The following PCNT variants were observed in gnomAD, a reference collection of about 807,000 sequenced individuals.
PCNT encodes the protein kendrin.
A neutral mutation model predicts 380.4 loss-of-function variants in PCNT; 319 were observed. The ratio of observed to expected loss-of-function variants is 0.84; its 90% CI spans 0.77 to 0.92. The LOEUF (loss-of-function observed/expected upper bound fraction) is 0.92. Among genes scored for constraint, PCNT ranks in the 40% least tolerant of loss-of-function variants. The pLI, the probability that PCNT is intolerant of heterozygous loss-of-function variation, is 0.00. For missense variants in PCNT, 4,400 were observed against 4,255.3 expected (o/e 1.03, Z -0.95); for synonymous variants, 1,845 against 1,735.2 (o/e 1.06, Z -1.57).
At chr21:46,401,749 G>C in intron 26 of PCNT, 28 bp downstream of exon 26, 1 of 1,612,694 alleles carries the variant, frequency 6.2e-7, no homozygotes, top group African/African-American at 1.3e-5. Context: ...CCATGGGACT[G>C]CCAGCCCTGG....
intron 6 of PCNT, chr21:46,348,100 C>T (rs889661562): frequency 6.6e-5 from 12 of 180,882 alleles, no homozygotes; most frequent in Middle Eastern, 2.6e-3. Context: ...GGTTGTGTTC[C>T]GGTCACCTGC....
rs377164652 is a variant in PCNT, at chr21:46,366,576, T to C, written c.2610-8T>C. On this transcript the variant is annotated splice_region_variant and splice_polypyrimidine_tract_variant and intron_variant, in intron 14 of 46. Coordinates refer to ENST00000359568, the MANE Select transcript of PCNT (RefSeq NM_006031.6). ...TTTAACTGTCCTGTGTTCACTTTGT[T>C]GCCGCAGGTTTTTAGAGGAACGTAA... 8.1e-4 allele frequency: 1,313 copies of C among 1,613,032 alleles called. 1 individual carries two copies. Among genetic ancestry groups the C allele is most frequent in the Non-Finnish European group, 9.7e-4 (1,144 of 1,179,096 alleles).
chr21:46,387,219 T>TG (rs1569236005), intron 17 of PCNT, among the ~76,000 whole-genome samples: 1 of 152,180 alleles, frequency 6.6e-6, no homozygotes, highest in Admixed American at 6.5e-5. Flanking sequence ...CATCCGTGTG[T>TG]GGGGGGTGTC....
intron 9 of PCNT, 46 bp downstream of exon 9, chr21:46,351,586 G>C: frequency 8.7e-7 from 1 of 1,146,704 alleles, no homozygotes; most frequent in Non-Finnish European, 1.3e-6. Flanking sequence ...AGCTGAAGCT[G>C]TGTGTTTTTC....
rs1298311877 is a variant in PCNT, at chr21:46,359,711, A to T, written c.2154+2520A>T. 1.4e-3 allele frequency among the ~76,000 whole-genome samples: 192 copies of T among 140,262 alleles called. 22 individuals are homozygous for T. Among genetic ancestry groups the T allele is most frequent in the Non-Finnish European group, 2.5e-3 (154 of 62,854 alleles). The allele number at this position is 140,262 out of a possible 152,430, so 92.0% of individuals were successfully genotyped here. On this transcript the variant is annotated intron_variant, in intron 13 of 46. Coordinates refer to ENST00000359568, the MANE Select transcript of PCNT (RefSeq NM_006031.6). ...ATTATGTTGGCCGGGCTGGTCTCGA[A>T]CTCCTGACCTCATGATCTGCCTGCC...
At chr21:46,436,280 C>T (rs59412748) in intron 39 of PCNT, 132 bp downstream of exon 39, 1 of 1,053,856 alleles carries the variant, frequency 9.5e-7, no homozygotes, top group Non-Finnish European at 1.4e-6. Context: ...AGTCCTCTTT[C>T]TGAGACTTTG....
intron 2 of PCNT, among the ~76,000 whole-genome samples, chr21:46,332,712 G>C (rs1322284466): frequency 1.3e-5 from 2 of 152,168 alleles, no homozygotes; most frequent in African/African-American, 4.8e-5. Flanking sequence ...CTCTCTCTCT[G>C]CATTCATCTT....
chr21:46,409,190 CTTTTT>C (rs11399485), intron 27 of PCNT, among the ~76,000 whole-genome samples: 2 of 123,998 alleles, frequency 1.6e-5, no homozygotes, highest in Non-Finnish European at 3.3e-5. Context: ...AAACTTTTTA[CTTTTT>C]TTTTTTTTTT....
At chr21:46,336,008 T>C (rs551596389) in intron 3 of PCNT, among the ~76,000 whole-genome samples, 1 of 150,284 alleles carries the variant, frequency 6.7e-6, no homozygotes, top group Non-Finnish European at 1.5e-5. Context: ...AGATGGAGTT[T>C]TGCTCTTGCC....
In PCNT at chr21:46,429,932, G is replaced by C. The variant is rs2147961324; in HGVS notation, c.7691-78G>C. On this transcript the variant is annotated intron_variant, in intron 35 of 46. Transcript: ENST00000359568. ...GCACATACACCTCACGCCCCCACGA[G>C]TCTGTCTCTAACCTGGTGTCACTTG... The C allele has an allele frequency of 1.4e-5, 16 of 1,175,730 alleles. No homozygotes were observed. In the South Asian group the frequency reaches 2.0e-4, roughly 15 times the overall value. 72.8% of individuals were successfully genotyped at this position (1,175,730 alleles called of 1,614,324 possible). A position where few individuals can be genotyped will look rare whatever the true frequency, so the allele number is the denominator to read the frequency against.
In PCNT at chr21:46,436,103, C is replaced by A; in HGVS notation, c.8951C>A (p.Ser2984Tyr). The A allele has an allele frequency of 6.2e-7, 1 of 1,611,100 alleles. No homozygotes were observed. The highest frequency in any genetic ancestry group is 8.5e-7 in the Non-Finnish European group (1 of 1,179,854). Residue 2984 changes from serine (S) to tyrosine (Y), a missense_variant, in exon 39 of 47, where the codon TCT becomes TAT. Transcript: ENST00000359568. ...ELEAMRQRLL[S>Y]AARLLTSFTS... ...GAGGCGATGAGGCAGCGGCTGCTCT[C>A]TGCCGCCCGGCTTCTCACCAGCTTC...
At chr21:46,371,740 A>G (rs970212561) in intron 15 of PCNT, among the ~76,000 whole-genome samples, 1 of 152,184 alleles carries the variant, frequency 6.6e-6, no homozygotes, top group Non-Finnish European at 1.5e-5. Flanking sequence ...TGCCCCATCC[A>G]GGCGCCACCA....
In PCNT at chr21:46,438,116, A is replaced by G. The variant is rs1328151735; in HGVS notation, c.9100-48A>G. On this transcript the variant is annotated intron_variant, in intron 40 of 46. Transcript: ENST00000359568. ...TTGACAAAAAACACAAGTAATGTTC[A>G]TGCCCTTTAACAACAAATTCTTACA... The G allele has an allele frequency of 2.8e-6, 4 of 1,444,146 alleles. No homozygotes were observed. The South Asian group carries it at 3.5e-5, about 13-fold the overall frequency. 89.5% of individuals were successfully genotyped at this position (1,444,146 alleles called of 1,614,324 possible).
At chr21:46,346,273 G>C (rs2084063777) in intron 4 of PCNT, 65 bp downstream of exon 4, 8 of 852,814 alleles carry the variant, frequency 9.4e-6, no homozygotes, top group Non-Finnish European at 1.6e-5. Context: ...GGCACAGTGG[G>C]CATCCGGGTG....
At chr21:46,381,553 GGCT>G in intron 15 of PCNT, 138 bp from the exon 16 acceptor site, 1 of 759,134 alleles carries the variant, frequency 1.3e-6, no homozygotes. Flanking sequence ...CTTTGATGGG[GGCT>G]GTGGTCTGGC....
chr21:46,370,071 C>T (rs1754129152), intron 15 of PCNT, among the ~76,000 whole-genome samples: 1 of 152,166 alleles, frequency 6.6e-6, no homozygotes, highest in Non-Finnish European at 1.5e-5. Context: ...GCTTCTCTGC[C>T]CTGAGTCTTC....
rs542203351 is a variant in PCNT at position 46,365,904 on chromosome 21, A to G, written c.2610-680A>G. ...CACTCACTGTCGTGGGGTTCTGTTC[A>G]CTGCCATGGGGTTCTATTCATTCAC... On this transcript the variant is annotated intron_variant, in intron 14 of 46. Coordinates refer to ENST00000359568, the MANE Select transcript of PCNT (RefSeq NM_006031.6). Among the ~76,000 whole-genome samples, 3 of 139,464 alleles carry G rather than the reference A, an allele frequency of 2.2e-5. No homozygotes were observed. The South Asian group carries it at 6.9e-4, about 32-fold the overall frequency. The allele number at this position is 139,464 out of a possible 152,430, so 91.5% of individuals were successfully genotyped here.
chr21:46,390,794 C>G lies in PCNT; in HGVS notation c.3965C>G (p.Ala1322Gly), dbSNP rs756224247. The G allele has an allele frequency of 1.9e-6, 3 of 1,611,944 alleles. No individual in the cohort carries two copies. The highest frequency in any genetic ancestry group is 2.5e-6 in the Non-Finnish European group (3 of 1,179,442). The change falls in exon 20 of 47, where the codon GCA becomes GGA. Residue 1322 changes from alanine (A) to glycine (G), a missense_variant. Ala to Gly is a moderately conservative substitution (Grantham distance 60, BLOSUM62 0). Transcript: ENST00000359568. ...GAGTGTTTGAAGGAGGAGAGCGCAGCAAAGGCAGAGCTGGCGCTGGAGCTG... is the reference window on the plus strand; with the variant it reads ...GAGTGTTTGAAGGAGGAGAGCGCAGGAAAGGCAGAGCTGGCGCTGGAGCTG... The part of the protein sequence containing the change: ...LLECLKEESA[A>G]KAELALELHK...
intron 31 of PCNT, among the ~76,000 whole-genome samples, chr21:46,419,539 C>T (rs775206219): frequency 1.3e-5 from 2 of 152,350 alleles, no homozygotes; most frequent in South Asian, 2.1e-4. Context: ...CCTTAAAGGA[C>T]GCGCCCCGTG....
Sources: allele counts gnomAD v4.1 joint callset (sites outside exome capture counted in the v4.1 genomes callset), GRCh38; gene constraint gnomAD v4.1.1; transcripts MANE v1.5; gene names NCBI Gene and HGNC (gene_info 2026-07-23, HGNC 2026-07-21).